UGT1A9: variants seen among roughly 807,000 people sequenced by gnomAD.
The protein encoded by UGT1A9 is UDP-glucuronosyltransferase 1A9.
UGT1A9 carries 35 observed loss-of-function variants against 45.0 expected under a neutral mutation model. That is an observed-to-expected ratio of 0.78 (90% CI 0.59 to 1.03). The LOEUF is 1.03. UGT1A9 is among the 50% of genes least tolerant of loss of function. The probability of loss-of-function intolerance (pLI) is 0.00; values close to 1 mark genes in which losing one functional copy is unlikely to be tolerated. For synonymous variants in UGT1A9, 278 were observed against 250.6 expected (o/e 1.11, Z -1.03); for missense variants, 687 against 666.6 (o/e 1.03, Z -0.34).
chr2:233,738,648 G>A (rs1199292214), intron 1 of UGT1A9, among the ~76,000 whole-genome samples: 1 of 152,164 alleles, frequency 6.6e-6, no homozygotes, highest in African/African-American at 2.4e-5. Flanking sequence ...AGAGCTCTTT[G>A]GAACTACGAA....
At chr2:233,687,080 T>A (rs1476321317) in intron 1 of UGT1A9, among the ~76,000 whole-genome samples, 1 of 152,208 alleles carries the variant, frequency 6.6e-6, no homozygotes, top group African/African-American at 2.4e-5. Context: ...ATTTCATAAG[T>A]ACTTCAGCTG....
chr2:233,741,489 A>G (rs1390991788), intron 1 of UGT1A9: 2 of 151,928 alleles, frequency 1.3e-5, no homozygotes, highest in African/African-American at 4.9e-5. Flanking sequence ...TCTGATGTAC[A>G]AAAAACTGAA....
In UGT1A9 at chr2:233,693,527, C is replaced by G. The variant is rs775014681; in HGVS notation, c.855+20738C>G. 115 of 1,614,082 alleles carry G rather than the reference C, an allele frequency of 7.1e-5. No individual in the cohort carries two copies. Among genetic ancestry groups the G allele is most frequent in the Non-Finnish European group, 9.4e-5 (111 of 1,180,032 alleles). ...ATCTGTGTACCTCTTCAGGGGTTTT[C>G]CGTGTTCCCTGGAGCATACATTCAG... On this transcript the variant is annotated intron_variant, in intron 1 of 4. Coordinates refer to ENST00000354728, the MANE Select transcript of UGT1A9 (RefSeq NM_021027.3).
chr2:233,683,362 A>C (rs1450754793), intron 1 of UGT1A9, among the ~76,000 whole-genome samples: 1 of 152,148 alleles, frequency 6.6e-6, no homozygotes, highest in Non-Finnish European at 1.5e-5. Context: ...TTTGGATGCA[A>C]TGTAGTTTTC....
At chr2:233,745,702 A>T (rs1693179488) in intron 1 of UGT1A9, among the ~76,000 whole-genome samples, 1 of 150,000 alleles carries the variant, frequency 6.7e-6, no homozygotes, top group East Asian at 2.0e-4. Flanking sequence ...GAGAACAACA[A>T]GTGATCCAGA....
chr2:233,743,661 G>T, intron 1 of UGT1A9: 1 of 1,367,236 alleles, frequency 7.3e-7, no homozygotes, highest in Non-Finnish European at 9.8e-7. Flanking sequence ...TACTCGAAGG[G>T]GTCCTCGAAG....
At chr2:233,742,731 A>G (rs1692080362) in intron 1 of UGT1A9, 1 of 152,930 alleles carries the variant, frequency 6.5e-6, no homozygotes, top group Non-Finnish European at 1.5e-5. Context: ...TATGGGATTC[A>G]AATGTCTGAC....
chr2:233,747,435 T>C, intron 1 of UGT1A9: 2 of 1,608,866 alleles, frequency 1.2e-6, no homozygotes, highest in East Asian at 2.2e-5. Flanking sequence ...AGAGAAATTT[T>C]TCACCCTGAC....
At chr2:233,678,038 G>A (rs1274982607) in intron 1 of UGT1A9, among the ~76,000 whole-genome samples, 1 of 152,122 alleles carries the variant, frequency 6.6e-6, no homozygotes, top group African/African-American at 2.4e-5. Flanking sequence ...GCAGCTGGAG[G>A]TCATTACCCT....
chr2:233,700,334 C>A (rs541076266), intron 1 of UGT1A9, among the ~76,000 whole-genome samples: 14 of 152,332 alleles, frequency 9.2e-5, no homozygotes, highest in Non-Finnish European at 1.5e-4. Context: ...GCCTCTCTTT[C>A]AAAACCCTGT....
intron 1 of UGT1A9, among the ~76,000 whole-genome samples, chr2:233,738,473 C>G (rs1020432064): frequency 1.3e-5 from 2 of 152,168 alleles, no homozygotes; most frequent in Non-Finnish European, 1.5e-5. Flanking sequence ...TTTGGAACTT[C>G]CTGGAGACTT....
At chr2:233,713,005 T>C (rs1170643319) in intron 1 of UGT1A9, 6 of 1,613,446 alleles carry the variant, frequency 3.7e-6, no homozygotes, top group Non-Finnish European at 5.1e-6. Flanking sequence ...GCCACAGGAC[T>C]CCAGGTTCCC....
In UGT1A9 at chr2:233,695,130, C is replaced by CTTTCTTTTTTTTTTTTT. The variant is rs1364557158; in HGVS notation, c.855+22344_855+22345insCTTTTTTTTTTTTTTTT. On this transcript the variant is annotated intron_variant, in intron 1 of 4. Transcript: ENST00000354728. ...GCCCATTAACCAACCCTTTTCTTTT[C>CTTTCTTTTTTTTTTTTT]TTTTTTTTTTTTTTGAGACAGAGTC... 2.9e-5 allele frequency among the ~76,000 whole-genome samples: 4 copies of CTTTCTTTTTTTTTTTTT among 138,838 alleles called. 1 individual carries two copies. 91.1% of individuals were successfully genotyped at this position (138,838 alleles called of 152,430 possible).
At position 233,754,917 on chromosome 2, in the gene UGT1A9, G is replaced by A. The variant is rs1403282569; in HGVS notation, c.856-12117G>A. ...CTGACCCCCCAAAATATTCTCCAGC[G>A]GGTTTCCCAAGAGGTCAAAGGAGAA... On this transcript the variant is annotated intron_variant, in intron 1 of 4. Coordinates refer to ENST00000354728, the MANE Select transcript of UGT1A9 (RefSeq NM_021027.3). The A allele has an allele frequency of 3.0e-6, 4 of 1,353,604 alleles. No homozygotes were observed. In the African/African-American group the frequency reaches 4.4e-5, roughly 15 times the overall value. 83.8% of individuals were successfully genotyped at this position (1,353,604 alleles called of 1,614,324 possible).
chr2:233,677,311 C>T (rs2074387124), intron 1 of UGT1A9, among the ~76,000 whole-genome samples: 1 of 152,062 alleles, frequency 6.6e-6, no homozygotes, highest in South Asian at 2.1e-4. Flanking sequence ...ATCCAGTTTT[C>T]AAGTGTTCAT....
At chr2:233,743,580 C>T (rs1377073083) in intron 1 of UGT1A9, 3 of 1,367,180 alleles carry the variant, frequency 2.2e-6, no homozygotes, top group Non-Finnish European at 2.9e-6. Context: ...CCCAAGAGGT[C>T]AAAGGAGAAT....
chr2:233,768,401 T>C lies in UGT1A9; in HGVS notation c.1257T>C (p.Asp419=), dbSNP rs767318575. The change falls in exon 4 of 5, where the codon GAT becomes GAC. Residue 419 remains aspartate (D), a synonymous_variant. Coordinates refer to ENST00000354728, the MANE Select transcript of UGT1A9 (RefSeq NM_021027.3). ...TLNVLEMTSE[D]LENALKAVIN... is the part of the protein sequence containing the mutation. The stretch of plus-strand genomic sequence containing the variant: ...ATGTTCTGGAAATGACTTCTGAAGA[T>C]TTAGAAAATGCTCTAAAAGCAGTCA... 1 of 1,614,148 alleles carries C rather than the reference T, an allele frequency of 6.2e-7. No homozygotes were observed. The highest frequency in any genetic ancestry group is 1.3e-5 in the African/African-American group (1 of 75,034).
At chr2:233,760,232 C>CTA (rs1697356426) in intron 1 of UGT1A9, 1 of 1,429,076 alleles carries the variant, frequency 7.0e-7, no homozygotes, top group Non-Finnish European at 9.5e-7. Flanking sequence ...TTGGTTTTTG[C>CTA]CATATATATA....
Position 233,769,603 on chromosome 2 carries a change from G to A in UGT1A9, c.1295+1164G>A. The stretch of plus-strand genomic sequence containing the variant: ...CAGATGAGAGGAGACGGAACACGGG[G>A]ACACACCAGCTTGAGCAAGGGACAA... On this transcript the variant is annotated intron_variant, in intron 4 of 4. Coordinates refer to ENST00000354728, the MANE Select transcript of UGT1A9 (RefSeq NM_021027.3). This position sits in a 1 kb window ranked among gnomAD's most constrained non-coding sequence, Gnocchi z 4.4. The A allele has an allele frequency of 6.2e-7, 1 of 1,612,818 alleles. No homozygotes were observed. The highest frequency in any genetic ancestry group is 8.5e-7 in the Non-Finnish European group (1 of 1,179,870).
Sources: allele counts gnomAD v4.1 joint callset (sites outside exome capture counted in the v4.1 genomes callset), GRCh38; gene constraint gnomAD v4.1.1; non-coding constraint Gnocchi (gnomAD v3.1); transcripts MANE v1.5; gene names NCBI Gene and HGNC (gene_info 2026-07-23, HGNC 2026-07-21).